APOLD1: variants seen among roughly 807,000 people sequenced by gnomAD.
The protein encoded by APOLD1 is apolipoprotein L domain-containing protein 1.
APOLD1 carries 22 observed loss-of-function variants against 15.3 expected under a neutral mutation model. The observed-to-expected ratio is 1.44, with a 90% CI of 1.03 to 2.05. The LOEUF (loss-of-function observed/expected upper bound fraction) is 2.05, where lower values mean the gene tolerates loss of function less well. Among genes scored for constraint, APOLD1 ranks in the 30% most tolerant of loss-of-function variants. The pLI, the probability that APOLD1 is intolerant of heterozygous loss-of-function variation, is 0.00. For synonymous variants in APOLD1, 190 were observed against 167.4 expected, an observed-to-expected ratio of 1.13 and a Z score of -1.04; for missense variants, 394 against 353.5, an observed-to-expected ratio of 1.11 and a Z score of -0.92.
At chr12:12,738,229 C>T (rs577356335) in intron 1 of APOLD1, among the ~76,000 whole-genome samples, 7 of 122,622 alleles carry the variant, frequency 5.7e-5, no homozygotes, top group African/African-American at 2.0e-4. Context: ...TTTTAAGACA[C>T]ATGGAGTCTT....
At chr12:12,752,531 T>C (rs560100857) in intron 1 of APOLD1, among the ~76,000 whole-genome samples, 1 of 152,282 alleles carries the variant, frequency 6.6e-6, no homozygotes, top group East Asian at 1.9e-4. Flanking sequence ...CATGACAAAA[T>C]GGTGACTTTG....
chr12:12,765,467 G>A (rs1008246331), intron 1 of APOLD1, among the ~76,000 whole-genome samples: 17 of 152,178 alleles, frequency 1.1e-4, no homozygotes, highest in Non-Finnish European at 2.9e-5. Context: ...CACTTAAGGC[G>A]AAGACAAAGG....
chr12:12,780,206 G>A (rs765631444), intron 1 of APOLD1, among the ~76,000 whole-genome samples: 1 of 151,590 alleles, frequency 6.6e-6, no homozygotes, highest in African/African-American at 2.4e-5. Flanking sequence ...AAGAAATCAT[G>A]GGCAAAAATC....
intron 1 of APOLD1, among the ~76,000 whole-genome samples, chr12:12,743,665 G>C (rs1011008050): frequency 6.6e-6 from 1 of 152,204 alleles, no homozygotes; most frequent in African/African-American, 2.4e-5. Flanking sequence ...TATGGCAAAG[G>C]GGGGATTAAG....
intron 1 of APOLD1, among the ~76,000 whole-genome samples, chr12:12,726,830 C>G (rs1010681069): frequency 6.6e-6 from 1 of 152,160 alleles, no homozygotes; most frequent in African/African-American, 2.4e-5. Flanking sequence ...CATAAAAGTC[C>G]GCTAGTCACT....
chr12:12,742,539 G>A (rs545730921), intron 1 of APOLD1, among the ~76,000 whole-genome samples: 485 of 152,230 alleles, frequency 3.2e-3, no homozygotes, highest in Non-Finnish European at 3.5e-3. Context: ...GGCCGAGGTG[G>A]GTGGATCACA....
intron 1 of APOLD1, among the ~76,000 whole-genome samples, chr12:12,729,567 G>A (rs578018474): frequency 6.6e-6 from 1 of 152,098 alleles, no homozygotes; most frequent in Non-Finnish European, 1.5e-5. Flanking sequence ...GCTGGGAGGA[G>A]CTCTTGCGGC....
rs912679645 is a variant in APOLD1 at position 12,739,533 on chromosome 12, T to G, written c.96+13437T>G. Among the ~76,000 whole-genome samples, 3 of 152,348 alleles carry G rather than the reference T, an allele frequency of 2.0e-5. No homozygotes were observed. The South Asian group carries it at 6.2e-4, about 32-fold the overall frequency. ...AACTGTAAACAATATTTAAAAAATA[T>G]ATCTCAGAGTGACTTGCAGAGTAAA... On this transcript the variant is annotated intron_variant, in intron 1 of 1. Coordinates refer to the APOLD1 transcript ENST00000326765.
Position 12,790,773 on chromosome 12 carries a change from T to G in APOLD1, c.*3121T>G, listed in dbSNP as rs1451429008. ...CCATCGCCTTATGTGTGAGTAAGAT[T>G]GGAGCCTCTATCAAGATTTAGTCAA... On this transcript the variant is annotated 3_prime_UTR_variant, in exon 2 of 2. Transcript: ENST00000356591. The G allele has an allele frequency of 6.6e-6, 1 of 152,244 alleles. No individual in the cohort carries two copies. Among genetic ancestry groups the G allele is most frequent in the South Asian group, 2.1e-4 (1 of 4,832 alleles). The allele number at this position is 152,244 out of a possible 1,614,324, so 9.4% of individuals were successfully genotyped here.
chr12:12,774,590 TAAAGA>T (rs753860072), intron 1 of APOLD1, among the ~76,000 whole-genome samples: 1,417 of 69,502 alleles, frequency 0.02, 11 homozygotes, highest in African/African-American at 0.043. Flanking sequence ...AAAAGAAAAG[TAAAGA>T]AAAGAAAAGA....
intron 1 of APOLD1, among the ~76,000 whole-genome samples, chr12:12,774,546 CAAAAAAAAAAAAAAA>C (rs57343706): frequency 7.1e-5 from 3 of 42,292 alleles, no homozygotes; most frequent in Non-Finnish European, 1.3e-4. Context: ...ACTCTAACTC[CAAAAAAAAAAAAAAA>C]AAAAAAAAAA....
chr12:12,768,827 T>C (rs1359366962), intron 1 of APOLD1, among the ~76,000 whole-genome samples: 2 of 151,902 alleles, frequency 1.3e-5, no homozygotes, highest in African/African-American at 4.8e-5. Flanking sequence ...TTTTTTTTTT[T>C]AGCATTGAAA....
At position 12,786,927 on chromosome 12, in the gene APOLD1, G is replaced by A. The variant is rs993202111; in HGVS notation, c.22G>A (p.Ala8Thr). 2.1e-6 allele frequency: 3 copies of A among 1,450,320 alleles called. No individual in the cohort carries two copies. Among genetic ancestry groups the A allele is most frequent in the East Asian group, 3.0e-5 (1 of 33,358 alleles). The allele number at this position is 1,450,320 out of a possible 1,614,324, so 89.8% of individuals were successfully genotyped here. The change falls in exon 2 of 2, where the codon GCC (alanine) becomes ACC (threonine). Residue 8 changes from alanine to threonine, a missense_variant. Physicochemically the swap from Ala to Thr is moderately conservative, Grantham distance 58 (BLOSUM62 0). Coordinates refer to ENST00000356591, the MANE Select transcript of APOLD1 (RefSeq NM_030817.3). Reference protein sequence around the residue: MGMERPAAREPHGPDALR... With the variant: MGMERPATREPHGPDALR... The stretch of plus-strand genomic sequence containing the variant: ...CCCGCAGGGAATGGAGAGGCCGGCG[G>A]CCCGGGAGCCGCATGGGCCCGACGC...
chr12:12,759,652 C>G (rs1946882384), intron 1 of APOLD1, among the ~76,000 whole-genome samples: 2 of 152,162 alleles, frequency 1.3e-5, no homozygotes, highest in Non-Finnish European at 2.9e-5. Context: ...ATTCATTTAG[C>G]CTTATTGAAG....
At chr12:12,765,643 G>A (rs1946938036) in intron 1 of APOLD1, among the ~76,000 whole-genome samples, 1 of 152,148 alleles carries the variant, frequency 6.6e-6, no homozygotes, top group Non-Finnish European at 1.5e-5. Context: ...GGCCAAGGTG[G>A]GAGGATTGCT....
chr12:12,787,888 A>G lies in APOLD1; in HGVS notation c.*236A>G, dbSNP rs1009701629. ...TCTTCCTAGTGGAAAAATGTGACCC[A>G]AAAACTCTTTTTCCTTTATCAAAAA... On this transcript the variant is annotated 3_prime_UTR_variant, in exon 2 of 2. Transcript: ENST00000356591. This position sits in a 1 kb window ranked among gnomAD's most constrained non-coding sequence, Gnocchi z 4.9. The G allele has an allele frequency of 4.8e-5, 26 of 543,918 alleles. No individual in the cohort carries two copies. Among genetic ancestry groups the G allele is most frequent in the African/African-American group, 3.3e-4 (17 of 51,656 alleles). The allele number at this position is 543,918 out of a possible 1,614,324, so 33.7% of individuals were successfully genotyped here.
Position 12,787,206 on chromosome 12 carries a change from G to T in APOLD1, c.301G>T (p.Val101Phe). ...GLGVATAGGA[V>F]TITSDLSLIF... ...GGGGGTGGCCACAGCCGGAGGGGCC[G>T]TCACCATCACGTCCGATCTCTCGCT... Residue 101 changes from valine (V) to phenylalanine (F), a missense_variant, in exon 2 of 2, where the codon GTC becomes TTC. By Grantham distance (50) the Val-to-Phe change is conservative. Coordinates refer to ENST00000356591, the MANE Select transcript of APOLD1 (RefSeq NM_030817.3). This position sits in a 1 kb window ranked among gnomAD's most constrained non-coding sequence, Gnocchi z 4.9. 6.4e-7 allele frequency: 1 copy of T among 1,552,844 alleles called. No individual in the cohort carries two copies. The highest frequency in any genetic ancestry group is 8.6e-7 in the Non-Finnish European group (1 of 1,157,382).
intron 1 of APOLD1, among the ~76,000 whole-genome samples, chr12:12,750,724 T>C (rs1189133326): frequency 6.6e-6 from 1 of 152,078 alleles, no homozygotes; most frequent in Non-Finnish European, 1.5e-5. Context: ...TAATAAAAAT[T>C]AGTAATAGAA....
intron 1 of APOLD1, among the ~76,000 whole-genome samples, chr12:12,761,757 G>C (rs1042865554): frequency 1.3e-5 from 2 of 150,686 alleles, no homozygotes; most frequent in African/African-American, 4.9e-5. Context: ...TGCTGGAAGG[G>C]AACAGAACTC....
Sources: allele counts gnomAD v4.1 joint callset (sites outside exome capture counted in the v4.1 genomes callset), GRCh38; gene constraint gnomAD v4.1.1; non-coding constraint Gnocchi (gnomAD v3.1); transcripts MANE v1.5; gene names NCBI Gene and HGNC (gene_info 2026-07-23, HGNC 2026-07-21).